Variants in SYT14 observed in about 807,000 individuals in gnomAD.
SYT14 encodes synaptotagmin-14.
A neutral mutation model predicts 74.2 loss-of-function variants in SYT14; 32 were observed. The observed-to-expected ratio is 0.43, with a 90% confidence interval of 0.33 to 0.58. SYT14 has a LOEUF of 0.58. Ranked by LOEUF, SYT14 falls within the 20% of genes least tolerant of loss-of-function variation. The pLI, the probability that SYT14 is intolerant of heterozygous loss-of-function variation, is 0.05. For synonymous variants in SYT14, 298 were observed against 337.7 expected (o/e 0.88, Z 1.29); for missense variants, 791 against 981.8 (o/e 0.81, Z 2.60).
rs111818700 is a variant in SYT14 at position 210,001,864 on chromosome 1, G to T, written c.-485-11769G>T. On this transcript the variant is annotated intron_variant, in intron 2 of 9. Coordinates refer to ENST00000637265, the Ensembl canonical transcript of SYT14. ...CTAATATGTGAGAAACATCAAGGCC[G>T]ACTGTGGAATGAACTAGTAGGGAAG... is the stretch of plus-strand genomic sequence containing the variant. Among the ~76,000 whole-genome samples the T allele has an allele frequency of 5.6e-3, 857 of 152,262 alleles. 11 individuals are homozygous for T. The highest frequency in any genetic ancestry group is 6.5e-3 in the Non-Finnish European group (441 of 68,018).
intron 2 of SYT14, among the ~76,000 whole-genome samples, chr1:209,969,740 A>G (rs1392496395): frequency 2.6e-5 from 4 of 151,840 alleles, no homozygotes; most frequent in Non-Finnish European, 5.9e-5. Flanking sequence ...TGGCCTCCCA[A>G]AGTACTGGGA....
At chr1:210,010,853 A>G (rs867817796) in intron 2 of SYT14, among the ~76,000 whole-genome samples, 4 of 152,334 alleles carry the variant, frequency 2.6e-5, no homozygotes, top group African/African-American at 9.6e-5. Flanking sequence ...CTGAACACAT[A>G]GTTTAATATC....
rs769610527 is a variant in SYT14, at chr1:209,997,090, C to G, written c.-485-16543C>G. Among the ~76,000 whole-genome samples the G allele has an allele frequency of 8.6e-4, 131 of 151,890 alleles. 1 individual carries two copies. The highest frequency in any genetic ancestry group is 1.7e-3 in the Non-Finnish European group (114 of 67,938). ...GTCTACTCTTAACACTCTTCTTCAA[C>G]ACAGAACTGAAAGTCCTAGCCAGAG... is the stretch of plus-strand genomic sequence containing the variant. On this transcript the variant is annotated intron_variant, in intron 2 of 9. Coordinates refer to ENST00000637265, the Ensembl canonical transcript of SYT14.
At chr1:210,006,293 T>C (rs929271031) in intron 2 of SYT14, among the ~76,000 whole-genome samples, 6 of 151,920 alleles carry the variant, frequency 3.9e-5, no homozygotes, top group Non-Finnish European at 8.8e-5. Context: ...AATACGAAAA[T>C]TTGAGGGAAA....
chr1:210,147,170 CA>C (rs574064697), intron 7 of SYT14, among the ~76,000 whole-genome samples: 33 of 145,066 alleles, frequency 2.3e-4, no homozygotes, highest in South Asian at 2.2e-3. Context: ...ATAGAAACTA[CA>C]AAAAAAAAGA....
intron 7 of SYT14, among the ~76,000 whole-genome samples, chr1:210,144,442 C>T (rs1023085543): frequency 4.6e-5 from 7 of 152,208 alleles, no homozygotes; most frequent in South Asian, 4.1e-4. Context: ...ACTAAAGTCA[C>T]GGTCCTGTAA....
chr1:210,076,829 C>T (rs555718525), intron 5 of SYT14, among the ~76,000 whole-genome samples: 2 of 152,300 alleles, frequency 1.3e-5, no homozygotes, highest in South Asian at 2.1e-4. Context: ...AATGTGCCAA[C>T]TCATTCATGA....
At chr1:210,107,020 A>T (rs963110906) in intron 7 of SYT14, among the ~76,000 whole-genome samples, 1 of 152,202 alleles carries the variant, frequency 6.6e-6, no homozygotes, top group East Asian at 1.9e-4. Flanking sequence ...AGTGGGAGAA[A>T]TTGGCCAAAA....
At chr1:210,121,844 A>T (rs367929625) in intron 7 of SYT14, among the ~76,000 whole-genome samples, 12 of 152,016 alleles carry the variant, frequency 7.9e-5, no homozygotes, top group East Asian at 3.9e-4. Flanking sequence ...TATTAAGATG[A>T]CTGAATTATA....
chr1:210,072,490 A>G (rs919335112), intron 5 of SYT14, among the ~76,000 whole-genome samples: 1 of 152,038 alleles, frequency 6.6e-6, no homozygotes, highest in African/African-American at 2.4e-5. Context: ...AATGCTGCCC[A>G]TAGTATTATA....
exon 10 of SYT14, chr1:210,162,830 A>C: frequency 2.2e-6 from 1 of 452,244 alleles, no homozygotes; most frequent in Non-Finnish European, 4.4e-6. Context: ...AAAAAATACA[A>C]ATGCTATATT....
intron 7 of SYT14, among the ~76,000 whole-genome samples, chr1:210,112,355 T>G (rs2082279283): frequency 6.6e-6 from 1 of 151,332 alleles, no homozygotes; most frequent in African/African-American, 2.5e-5. Context: ...GAGGACAGAT[T>G]TCCACGATGG....
chr1:210,132,960 G>C (rs985930955), intron 7 of SYT14, among the ~76,000 whole-genome samples: 1 of 152,048 alleles, frequency 6.6e-6, no homozygotes, highest in Non-Finnish European at 1.5e-5. Flanking sequence ...CACTTTGACT[G>C]TCTAGGAGCT....
intron 7 of SYT14, among the ~76,000 whole-genome samples, chr1:210,151,529 A>G (rs1332689884): frequency 2.6e-5 from 3 of 115,786 alleles, no homozygotes; most frequent in Non-Finnish European, 3.5e-5. Context: ...TTTTTTTTTA[A>G]CTACAGTGGT....
At chr1:210,008,513 G>A (rs138184076) in intron 2 of SYT14, among the ~76,000 whole-genome samples, 355 of 152,128 alleles carry the variant, frequency 2.3e-3, no homozygotes, top group African/African-American at 7.8e-3. Context: ...AGAGGTGCCC[G>A]CCACCACACC....
At chr1:210,131,464 C>A (rs2102640454) in intron 7 of SYT14, among the ~76,000 whole-genome samples, 1 of 151,998 alleles carries the variant, frequency 6.6e-6, no homozygotes, top group Admixed American at 6.5e-5. Context: ...ATATACTATA[C>A]TAAATATCTT....
intron 2 of SYT14, among the ~76,000 whole-genome samples, chr1:209,984,762 C>G (rs918422256): frequency 6.6e-6 from 1 of 152,172 alleles, no homozygotes; most frequent in African/African-American, 2.4e-5. Context: ...AAGCATGGCA[C>G]TGGCATCCCT....
chr1:209,948,843 T>C (rs2078863401), intron 1 of SYT14, among the ~76,000 whole-genome samples: 1 of 152,216 alleles, frequency 6.6e-6, no homozygotes, highest in Non-Finnish European at 1.5e-5. Flanking sequence ...TTCATTTTCT[T>C]GAATAAAATT....
At chr1:210,032,891 C>CTT (rs2080573127) in intron 5 of SYT14, among the ~76,000 whole-genome samples, 1 of 23,190 alleles carries the variant, frequency 4.3e-5, no homozygotes, top group Non-Finnish European at 6.5e-5. Flanking sequence ...TTTAAGTATT[C>CTT]TCAATTTGTT....
Sources: allele counts gnomAD v4.1 joint callset (sites outside exome capture counted in the v4.1 genomes callset), GRCh38; gene constraint gnomAD v4.1.1; transcripts MANE v1.5; gene names NCBI Gene and HGNC (gene_info 2026-07-23, HGNC 2026-07-21).